The following HIGD1C variants were observed in gnomAD, a reference collection of about 807,000 sequenced individuals.
HIGD1C encodes the protein HIG1 domain family member 1C.
HIGD1C carries 11 observed loss-of-function variants against 13.1 expected under a neutral mutation model. That is an observed-to-expected ratio of 0.84 (90% CI 0.53 to 1.39). HIGD1C has a LOEUF of 1.39. Among genes scored for constraint, HIGD1C ranks in the 40% most tolerant of loss-of-function variants. The probability of loss-of-function intolerance (pLI) is 0.00; values close to 1 mark genes in which losing one functional copy is unlikely to be tolerated. For synonymous variants in HIGD1C, 36 were observed against 37.7 expected (o/e 0.95, Z 0.17); for missense variants, 110 against 112.0 (o/e 0.98, Z 0.08).
At chr12:50,946,211 A>T in the HIGD1C span, among the ~76,000 whole-genome samples, 768 of 152,350 alleles carry the variant, frequency 5.0e-3, 8 homozygotes, top group African/African-American at 0.017. Flanking sequence ...AATGGCAACA[A>T]AAGCCAAAAT....
At chr12:50,961,076 G>A (rs1188125798) in exon 2 of HIGD1C, 1 of 1,613,894 alleles carries the variant, frequency 6.2e-7, no homozygotes, top group Admixed American at 1.7e-5. Context: ...GCTGCCCAAG[G>A]ATTTGTTGTT....
At chr12:50,943,883 C>A in the HIGD1C span, among the ~76,000 whole-genome samples, 1 of 152,136 alleles carries the variant, frequency 6.6e-6, no homozygotes, top group Non-Finnish European at 1.5e-5. Context: ...TATATCATAT[C>A]TGTAGCACTC....
intron 1 of HIGD1C, 105 bp from the exon 4 acceptor site, chr12:50,960,862 TA>T: frequency 2.1e-6 from 2 of 954,710 alleles, no homozygotes. Context: ...TTTTTTTTTT[TA>T]GAGATGGGGT....
At chr12:50,946,992 A>G in the HIGD1C span, among the ~76,000 whole-genome samples, 1 of 152,176 alleles carries the variant, frequency 6.6e-6, no homozygotes, top group East Asian at 1.9e-4. Context: ...GTTCCTTCTT[A>G]AGATGTTCTT....
chr12:50,938,768 T>C, the HIGD1C span, among the ~76,000 whole-genome samples: 8 of 152,200 alleles, frequency 5.3e-5, no homozygotes, highest in Admixed American at 4.6e-4. Flanking sequence ...TGACCAGGGA[T>C]GGCTGGAATG....
chr12:50,949,478 G>A (rs1253411122), upstream of HIGD1C: 3 of 149,534 alleles, frequency 2.0e-5, no homozygotes, highest in Admixed American at 6.7e-5. Flanking sequence ...ACCCCTTTAA[G>A]CTGGCTCCTG....
At chr12:50,950,577 G>A (rs1226652495), upstream of HIGD1C, among the ~76,000 whole-genome samples, 2 of 151,382 alleles carry the variant, frequency 1.3e-5, no homozygotes, top group African/African-American at 4.9e-5. Flanking sequence ...ATCTTGGCTC[G>A]TTGCAACCTC....
the HIGD1C span, among the ~76,000 whole-genome samples, chr12:50,942,523 T>A: frequency 1.5e-4 from 23 of 152,330 alleles, no homozygotes; most frequent in African/African-American, 5.5e-4. Context: ...TTGAAATCCT[T>A]TGATGGCTTC....
At chr12:50,959,141 CG>C (rs1373377030) in intron 1 of HIGD1C, among the ~76,000 whole-genome samples, 1 of 151,856 alleles carries the variant, frequency 6.6e-6, no homozygotes, top group Non-Finnish European at 1.5e-5. Context: ...TTTCCTGAGA[CG>C]GAGTTTTGCT....
chr12:50,946,794 G>C, the HIGD1C span, among the ~76,000 whole-genome samples: 4,269 of 152,192 alleles, frequency 0.028, 202 homozygotes, highest in African/African-American at 0.098. Flanking sequence ...AGCATTAGGA[G>C]ATATACCTAA....
chr12:50,971,523 G>A (rs1012340782), downstream of HIGD1C, among the ~76,000 whole-genome samples: 1 of 152,204 alleles, frequency 6.6e-6, no homozygotes, highest in Admixed American at 6.5e-5. Context: ...TAATGCTAAT[G>A]TGGTACGACA....
the HIGD1C span, among the ~76,000 whole-genome samples, chr12:50,934,183 G>C: frequency 6.6e-6 from 1 of 152,202 alleles, no homozygotes; most frequent in Non-Finnish European, 1.5e-5. Context: ...ATCAGACCCT[G>C]TCTGTCTTCC....
At chr12:50,934,140 T>C in the HIGD1C span, among the ~76,000 whole-genome samples, 2 of 152,212 alleles carry the variant, frequency 1.3e-5, no homozygotes, top group African/African-American at 4.8e-5. Context: ...AAATATACAT[T>C]ATAAACCCAT....
chr12:50,942,308 G>A, the HIGD1C span, among the ~76,000 whole-genome samples: 1 of 152,084 alleles, frequency 6.6e-6, no homozygotes, highest in Non-Finnish European at 1.5e-5. Flanking sequence ...TCTGTTACTG[G>A]AACTCAAACT....
chr12:50,939,814 C>T, the HIGD1C span: 3 of 152,232 alleles, frequency 2.0e-5, no homozygotes, highest in East Asian at 5.8e-4. Context: ...TCAAGGCCTG[C>T]TTCCTTAAGC....
the HIGD1C span, among the ~76,000 whole-genome samples, chr12:50,932,767 T>G: frequency 6.6e-6 from 1 of 152,066 alleles, no homozygotes; most frequent in Non-Finnish European, 1.5e-5. Context: ...CGATCCCATT[T>G]GTGAAATCCA....
At chr12:50,954,040 C>T (rs752534834) in exon 1 of HIGD1C, 1 of 1,613,332 alleles carries the variant, frequency 6.2e-7, no homozygotes, top group East Asian at 2.2e-5. Context: ...AGGATGAAGG[C>T]CAATTATCCC....
At chr12:50,957,496 C>T (rs1939143816) in intron 1 of HIGD1C, among the ~76,000 whole-genome samples, 4 of 151,726 alleles carry the variant, frequency 2.6e-5, no homozygotes. Flanking sequence ...ACCATGCCCA[C>T]CCAGCCTGCA....
At chr12:50,959,310 G>A (rs1452963609) in intron 1 of HIGD1C, among the ~76,000 whole-genome samples, 1 of 151,826 alleles carries the variant, frequency 6.6e-6, no homozygotes, top group Non-Finnish European at 1.5e-5. Flanking sequence ...GTAGAGATGG[G>A]GGTTTCTCCA....
Sources: gnomAD v4.1 joint callset for allele counts (sites outside exome capture counted in the v4.1 genomes callset) on GRCh38, gnomAD v4.1.1 for gene constraint, MANE v1.5 for transcripts, NCBI Gene and HGNC (gene_info 2026-07-23, HGNC 2026-07-21) for gene names.